The following DCDC1 variants were observed in gnomAD, a reference collection of about 807,000 sequenced individuals.
DCDC1 encodes the protein doublecortin domain containing 1.
In DCDC1, 200 loss-of-function variants were observed where a neutral mutation model predicts 178.3. The ratio of observed to expected loss-of-function variants is 1.12; its 90% confidence interval spans 1.00 to 1.26. The LOEUF is 1.26. DCDC1 is among the 50% of genes most tolerant of loss of function. The pLI, the probability that DCDC1 is intolerant of heterozygous loss-of-function variation, is 0.00. For synonymous variants in DCDC1, 690 were observed against 604.8 expected (o/e 1.14, Z -2.07); for missense variants, 1,983 against 1,749.2 (o/e 1.13, Z -2.38).
chr11:31,022,259 G>A (rs1299763822), intron 20 of DCDC1, among the ~76,000 whole-genome samples: 4 of 152,042 alleles, frequency 2.6e-5, no homozygotes, highest in African/African-American at 4.8e-5. Context: ...GTGGTTTCCT[G>A]CCAACTCTTG....
At chr11:30,871,317 C>CT (rs2133921439) in intron 38 of DCDC1, among the ~76,000 whole-genome samples, 1 of 152,212 alleles carries the variant, frequency 6.6e-6, no homozygotes, top group African/African-American at 2.4e-5. Context: ...TGGCAGACTA[C>CT]TGGGGTGGCC....
At chr11:31,138,086 A>G (rs1428629621) in intron 9 of DCDC1, among the ~76,000 whole-genome samples, 1 of 125,466 alleles carries the variant, frequency 8.0e-6, no homozygotes, top group African/African-American at 2.7e-5. Context: ...TAAAATGGAC[A>G]CAGCAACTTT....
intron 20 of DCDC1, 112 bp downstream of exon 20, chr11:31,064,357 C>T (rs1956133415): frequency 8.1e-6 from 5 of 615,020 alleles, no homozygotes; most frequent in Middle Eastern, 2.8e-4. Flanking sequence ...GCTTGAAAGC[C>T]AAAGGGCTTT....
In DCDC1 at chr11:31,079,534, A is replaced by C. The variant is rs947925291; in HGVS notation, c.2238-1609T>G. ...TGGTTGGTCAGGAGTATAGGTGATA[A>C]CCTGGGACTTGTGACTGGTGTTTTA... On this transcript the variant is annotated intron_variant, in intron 17 of 38. Coordinates refer to ENST00000684477, the MANE Select transcript of DCDC1 (RefSeq NM_001387274.1). 3.3e-5 allele frequency among the ~76,000 whole-genome samples: 5 copies of C among 152,164 alleles called. 1 individual carries two copies. In the East Asian group the frequency reaches 5.8e-4, roughly 18 times the overall value.
At chr11:31,184,724 C>A (rs1969263666) in intron 9 of DCDC1, among the ~76,000 whole-genome samples, 1 of 152,202 alleles carries the variant, frequency 6.6e-6, no homozygotes, top group Non-Finnish European at 1.5e-5. Flanking sequence ...GAGATACCAT[C>A]TCACACCAGT....
intron 20 of DCDC1, among the ~76,000 whole-genome samples, chr11:31,018,106 T>C (rs1394419577): frequency 3.3e-5 from 5 of 152,048 alleles, no homozygotes; most frequent in African/African-American, 9.7e-5. Flanking sequence ...TATGTATACA[T>C]GGGAGAAATG....
chr11:30,925,886 C>T (rs1188274168), intron 22 of DCDC1, among the ~76,000 whole-genome samples: 1 of 152,110 alleles, frequency 6.6e-6, no homozygotes, highest in Non-Finnish European at 1.5e-5. Flanking sequence ...TTCCTCAGCT[C>T]CCTCCACCAG....
chr11:31,220,133 G>A (rs1427942573), intron 9 of DCDC1, among the ~76,000 whole-genome samples: 1 of 152,096 alleles, frequency 6.6e-6, no homozygotes, highest in Admixed American at 6.6e-5. Flanking sequence ...CACCAGTGAA[G>A]ATAATTTTAT....
chr11:31,277,659 G>A (rs1362017732), intron 7 of DCDC1, among the ~76,000 whole-genome samples: 4 of 151,956 alleles, frequency 2.6e-5, no homozygotes, highest in African/African-American at 2.4e-5. Context: ...GCATTTCCTC[G>A]ATGATTAATA....
chr11:31,170,192 A>G (rs1031354448), intron 9 of DCDC1, among the ~76,000 whole-genome samples: 1 of 152,226 alleles, frequency 6.6e-6, no homozygotes, highest in African/African-American at 2.4e-5. Flanking sequence ...GATGAAAGGT[A>G]CCAAAGGCCT....
chr11:31,007,957 C>T (rs1254921540), intron 20 of DCDC1, among the ~76,000 whole-genome samples: 1 of 152,134 alleles, frequency 6.6e-6, no homozygotes, highest in African/African-American at 2.4e-5. Flanking sequence ...GCCACCGTGC[C>T]CAGCTACCTC....
intron 11 of DCDC1, among the ~76,000 whole-genome samples, chr11:31,125,287 C>A (rs1195873881): frequency 1.3e-5 from 2 of 151,944 alleles, no homozygotes; most frequent in Admixed American, 1.3e-4. Context: ...CAGAAGCTGG[C>A]AAGGTTGCAA....
At chr11:31,087,602 T>A (rs1590998467) in intron 17 of DCDC1, among the ~76,000 whole-genome samples, 1 of 152,268 alleles carries the variant, frequency 6.6e-6, no homozygotes, top group Admixed American at 6.5e-5. Context: ...GATTCATGGG[T>A]TTGTTATAAA....
Position 30,931,861 on chromosome 11 carries a change from A to G in DCDC1, c.2807T>C (p.Val936Ala), listed in dbSNP as rs1250808591. ...TCCATTCTGCAAAACTCTGAGTCGCACAGGGGCATATGGCTCTGTTGTCTT... is the reference window on the plus strand; with the variant it reads ...TCCATTCTGCAAAACTCTGAGTCGCGCAGGGGCATATGGCTCTGTTGTCTT... ...ICKTTEPYAP[V>A]RLRVLQNGEK... is the part of the protein sequence containing the mutation. Residue 936 changes from valine to alanine, a missense_variant, in exon 22 of 39, where the codon GTG becomes GCG. By Grantham distance (64) the Val-to-Ala change is moderately conservative. Transcript: ENST00000684477. 6.2e-7 allele frequency: 1 copy of G among 1,613,072 alleles called. No homozygotes were observed. Among genetic ancestry groups the G allele is most frequent in the Non-Finnish European group, 8.5e-7 (1 of 1,179,432 alleles).
At chr11:30,924,089 C>G (rs1173248519) in intron 23 of DCDC1, among the ~76,000 whole-genome samples, 1 of 152,156 alleles carries the variant, frequency 6.6e-6, no homozygotes, top group Admixed American at 6.6e-5. Flanking sequence ...CCACTCATAC[C>G]TGCTTTGCCA....
chr11:30,900,264 T>A, intron 33 of DCDC1, 82 bp downstream of exon 33: 2 of 1,230,302 alleles, frequency 1.6e-6, no homozygotes, highest in Non-Finnish European at 2.1e-6. Flanking sequence ...CACATTTAAT[T>A]CATTTTCTTA....
At chr11:30,983,404 T>C (rs1950487076) in intron 20 of DCDC1, among the ~76,000 whole-genome samples, 1 of 152,152 alleles carries the variant, frequency 6.6e-6, no homozygotes, top group Admixed American at 6.6e-5. Context: ...TGGTTAGGGG[T>C]TTATATTGTC....
chr11:31,015,148 C>G (rs1006188639), intron 20 of DCDC1, among the ~76,000 whole-genome samples: 1 of 151,950 alleles, frequency 6.6e-6, no homozygotes, highest in African/African-American at 2.4e-5. Flanking sequence ...GGGGGTTTCA[C>G]CGGTTTAGCC....
chr11:31,134,568 C>T (rs1339254060), intron 10 of DCDC1, among the ~76,000 whole-genome samples: 1 of 152,230 alleles, frequency 6.6e-6, no homozygotes, highest in Admixed American at 6.5e-5. Flanking sequence ...CCAGTGCTCT[C>T]TCCATTTTCT....
Sources: allele counts gnomAD v4.1 joint callset (sites outside exome capture counted in the v4.1 genomes callset), GRCh38; gene constraint gnomAD v4.1.1; transcripts MANE v1.5; gene names NCBI Gene and HGNC (gene_info 2026-07-23, HGNC 2026-07-21).